The following CDH22 variants were observed in gnomAD, a reference collection of about 807,000 sequenced individuals.
CDH22 encodes the protein cadherin 22, also known as cadherin-22.
A neutral mutation model predicts 58.4 loss-of-function variants in CDH22; 30 were observed. The ratio of observed to expected loss-of-function variants is 0.51; its 90% confidence interval spans 0.38 to 0.70. The LOEUF is 0.70. Among genes scored for constraint, CDH22 ranks in the 30% least tolerant of loss-of-function variants. The probability of loss-of-function intolerance (pLI) is 0.00; values close to 1 mark genes in which losing one functional copy is unlikely to be tolerated. For synonymous variants in CDH22, 513 were observed against 558.2 expected, an observed-to-expected ratio of 0.92 and a Z score of 1.14; for missense variants, 1,014 against 1,233.9, an observed-to-expected ratio of 0.82 and a Z score of 2.67.
chr20:46,174,495 A>G lies in CDH22; in HGVS notation c.*11T>C, dbSNP rs1162742079. 2 of 1,461,664 alleles carry G rather than the reference A, an allele frequency of 1.4e-6. No individual in the cohort carries two copies. Among genetic ancestry groups the G allele is most frequent in the African/African-American group, 1.5e-5 (1 of 67,362 alleles). 90.5% of individuals were successfully genotyped at this position (1,461,664 alleles called of 1,614,324 possible). ...GGGTGAGCAGCCGCGCCCCGACGGC[A>G]GGGCGAGGGGCTAGGAGGCCTGGGC... On this transcript the variant is annotated 3_prime_UTR_variant, in exon 12 of 12. Coordinates refer to ENST00000537909, the MANE Select transcript of CDH22 (RefSeq NM_021248.3). This position sits in a 1 kb window ranked among gnomAD's most constrained non-coding sequence, Gnocchi z 4.4.
At chr20:46,192,420 C>G (rs889511671) in intron 8 of CDH22, among the ~76,000 whole-genome samples, 1 of 152,192 alleles carries the variant, frequency 6.6e-6, no homozygotes, top group African/African-American at 2.4e-5. Flanking sequence ...TCCTGCCTCT[C>G]TCTTTCTCTG....
At chr20:46,271,851 A>G (rs895156204) in intron 1 of CDH22, among the ~76,000 whole-genome samples, 7 of 151,756 alleles carry the variant, frequency 4.6e-5, no homozygotes, top group Non-Finnish European at 1.0e-4. Context: ...CAATACTATA[A>G]TGACTCCCAA....
intron 2 of CDH22, 76 bp downstream of exon 2, chr20:46,250,964 A>G (rs896481388): frequency 4.5e-6 from 4 of 889,784 alleles, no homozygotes; most frequent in Non-Finnish European, 7.4e-6. Flanking sequence ...GGGCAGGTGA[A>G]CAAGGGTTTC....
At position 46,209,641 on chromosome 20, in the gene CDH22, G is replaced by C. The variant is rs75266511; in HGVS notation, c.1286+666C>G. Among the ~76,000 whole-genome samples the C allele has an allele frequency of 5.7e-3, 867 of 152,258 alleles. 9 individuals carry two copies. The highest frequency in any genetic ancestry group is 0.02 in the African/African-American group (838 of 41,548). The stretch of plus-strand genomic sequence containing the variant: ...TCGGGACCAAGGTGGTAGCAGCAGA[G>C]GTGGTGAGAAGTGGTCAGATTCTGG... On this transcript the variant is annotated intron_variant, in intron 7 of 11. Coordinates refer to ENST00000537909, the MANE Select transcript of CDH22 (RefSeq NM_021248.3).
At chr20:46,275,820 A>C (rs2086514606) in intron 1 of CDH22, among the ~76,000 whole-genome samples, 1 of 151,930 alleles carries the variant, frequency 6.6e-6, no homozygotes, top group Non-Finnish European at 1.5e-5. Context: ...CCAGTAATAG[A>C]GGGAAACCCT....
chr20:46,303,558 A>AATAT (rs563742411), intron 1 of CDH22, among the ~76,000 whole-genome samples: 67 of 152,022 alleles, frequency 4.4e-4, no homozygotes, highest in African/African-American at 1.5e-3. Context: ...TTTATATGTA[A>AATAT]ATATATATAT....
At chr20:46,181,716 T>TTCCTTCCTTCC (rs1555800194) in intron 10 of CDH22, among the ~76,000 whole-genome samples, 35 of 44,322 alleles carry the variant, frequency 7.9e-4, no homozygotes, top group African/African-American at 1.5e-3. Flanking sequence ...TCTTTCTTTT[T>TTCCTTCCTTCC]TTCCTTCCTT....
At chr20:46,297,797 G>A (rs1435626522) in intron 1 of CDH22, among the ~76,000 whole-genome samples, 1 of 146,550 alleles carries the variant, frequency 6.8e-6, no homozygotes, top group Non-Finnish European at 1.5e-5. Flanking sequence ...TTCCTCCAAG[G>A]TTGTTTTGGG....
chr20:46,279,841 C>A (rs1193893694), intron 1 of CDH22, among the ~76,000 whole-genome samples: 2 of 152,220 alleles, frequency 1.3e-5, no homozygotes, highest in Non-Finnish European at 2.9e-5. Flanking sequence ...GCCTATTTCA[C>A]TAAATTGTTT....
intron 8 of CDH22, among the ~76,000 whole-genome samples, chr20:46,190,974 G>C (rs2085858740): frequency 6.6e-6 from 1 of 152,182 alleles, no homozygotes; most frequent in Non-Finnish European, 1.5e-5. Context: ...GATTGGACTG[G>C]ACAATCTGGA....
intron 1 of CDH22, among the ~76,000 whole-genome samples, chr20:46,299,279 A>C (rs1333247424): frequency 6.6e-6 from 1 of 151,996 alleles, no homozygotes; most frequent in Non-Finnish European, 1.5e-5. Flanking sequence ...AAACACCTCC[A>C]CCTGCAGCAG....
chr20:46,230,034 G>C (rs1425869759), intron 3 of CDH22, among the ~76,000 whole-genome samples: 1 of 152,094 alleles, frequency 6.6e-6, no homozygotes, highest in Non-Finnish European at 1.5e-5. Flanking sequence ...AATGGTAAAG[G>C]GTCAGTGATT....
chr20:46,186,754 T>A (rs750058936), intron 9 of CDH22, 49 bp from the exon 10 acceptor site: 6 of 1,603,904 alleles, frequency 3.7e-6, no homozygotes, highest in Non-Finnish European at 4.3e-6. Context: ...CTGAGACCAC[T>A]CTGGGTCGAG....
chr20:46,293,745 G>A (rs555218284), intron 1 of CDH22, among the ~76,000 whole-genome samples: 5 of 152,294 alleles, frequency 3.3e-5, no homozygotes, highest in Admixed American at 1.3e-4. Context: ...GGCCAGGTGC[G>A]GTGGCTCATG....
At chr20:46,258,146 C>A (rs976309691) in intron 1 of CDH22, among the ~76,000 whole-genome samples, 2 of 152,078 alleles carry the variant, frequency 1.3e-5, no homozygotes, top group South Asian at 2.1e-4. Context: ...TCATTAGTGA[C>A]CTTGCTGGCA....
intron 11 of CDH22, among the ~76,000 whole-genome samples, chr20:46,175,669 G>C (rs1306038821): frequency 6.6e-6 from 1 of 152,198 alleles, no homozygotes; most frequent in Non-Finnish European, 1.5e-5. Context: ...CTATCATACT[G>C]GTTCTCAAAG....
chr20:46,292,212 C>A (rs752759759), intron 1 of CDH22, among the ~76,000 whole-genome samples: 3 of 152,204 alleles, frequency 2.0e-5, no homozygotes, highest in Non-Finnish European at 4.4e-5. Context: ...GAGGCTCCCT[C>A]CCCCAGGGTG....
chr20:46,258,037 G>A (rs1053042329), intron 1 of CDH22, among the ~76,000 whole-genome samples: 3 of 152,184 alleles, frequency 2.0e-5, no homozygotes, highest in Non-Finnish European at 4.4e-5. Context: ...CGGCATAACT[G>A]TTAATAATGT....
At chr20:46,248,759 TGA>T (rs1198436322) in intron 2 of CDH22, among the ~76,000 whole-genome samples, 1 of 152,154 alleles carries the variant, frequency 6.6e-6, no homozygotes, top group Non-Finnish European at 1.5e-5. Context: ...TGCTGTGAAC[TGA>T]GATCGTGTCA....
Sources: gnomAD v4.1 joint callset for allele counts (sites outside exome capture counted in the v4.1 genomes callset) on GRCh38, gnomAD v4.1.1 for gene constraint, Gnocchi (gnomAD v3.1) non-coding constraint, MANE v1.5 for transcripts, NCBI Gene and HGNC (gene_info 2026-07-23, HGNC 2026-07-21) for gene names.